The following ROR2 variants were observed in gnomAD, a reference collection of about 807,000 sequenced individuals.
ROR2 encodes the protein tyrosine-protein kinase transmembrane receptor ROR2.
Under a neutral mutation model 74.9 loss-of-function variants are expected in ROR2, and 33 were observed. The observed-to-expected ratio is 0.44, with a 90% CI of 0.33 to 0.59. The LOEUF (loss-of-function observed/expected upper bound fraction) is 0.59. Among genes scored for constraint, ROR2 ranks in the 20% least tolerant of loss-of-function variants. ROR2 has a pLI of 0.02. For synonymous variants in ROR2, 586 were observed against 558.7 expected, an observed-to-expected ratio of 1.05 and a Z score of -0.69; for missense variants, 1,216 against 1,313.8, an observed-to-expected ratio of 0.93 and a Z score of 1.15.
chr9:91,844,387 TTCC>T (rs964135351), intron 1 of ROR2, among the ~76,000 whole-genome samples: 3 of 151,872 alleles, frequency 2.0e-5, no homozygotes, highest in African/African-American at 7.3e-5. Flanking sequence ...CCAGCGCTTG[TTCC>T]TCGCCCAGGG....
At chr9:91,897,403 T>C (rs756849142) in intron 1 of ROR2, among the ~76,000 whole-genome samples, 11 of 152,240 alleles carry the variant, frequency 7.2e-5, no homozygotes, top group Admixed American at 2.6e-4. Context: ...CTCTAAGGCA[T>C]TGCCAAAAGT....
intron 1 of ROR2, among the ~76,000 whole-genome samples, chr9:91,915,305 T>G (rs528868053): frequency 2.0e-5 from 3 of 152,288 alleles, no homozygotes; most frequent in Non-Finnish European, 4.4e-5. Flanking sequence ...CTGGCACCCC[T>G]GGGGAAGAGG....
intron 1 of ROR2, among the ~76,000 whole-genome samples, chr9:91,900,534 G>A (rs79679524): frequency 0.032 from 4,808 of 152,324 alleles, 118 homozygotes; most frequent in South Asian, 0.061. Flanking sequence ...GGAAGGCACC[G>A]CGTGGCATCC....
chr9:91,761,230 T>C (rs565766927), intron 2 of ROR2, among the ~76,000 whole-genome samples: 4 of 152,278 alleles, frequency 2.6e-5, no homozygotes, highest in African/African-American at 9.6e-5. Flanking sequence ...TGGTCCCCAG[T>C]CTTTTTAGCA....
intron 1 of ROR2, among the ~76,000 whole-genome samples, chr9:91,794,010 A>C (rs1342730618): frequency 6.6e-6 from 1 of 152,214 alleles, no homozygotes; most frequent in African/African-American, 2.4e-5. Context: ...GCCTATGCAC[A>C]GTTCCACAGC....
chr9:91,754,234 A>G (rs1405544427), intron 4 of ROR2, among the ~76,000 whole-genome samples: 1 of 150,568 alleles, frequency 6.6e-6, no homozygotes, highest in Non-Finnish European at 1.5e-5. Flanking sequence ...ATATAAATAT[A>G]TGAATGTTTA....
chr9:91,796,341 G>C (rs1446360235), intron 1 of ROR2, among the ~76,000 whole-genome samples: 2 of 151,526 alleles, frequency 1.3e-5, no homozygotes, highest in Admixed American at 6.6e-5. Context: ...GCTGAAGTGG[G>C]AGGACTGCTT....
intron 1 of ROR2, among the ~76,000 whole-genome samples, chr9:91,906,890 T>C (rs1830832517): frequency 6.6e-6 from 1 of 152,200 alleles, no homozygotes; most frequent in Non-Finnish European, 1.5e-5. Flanking sequence ...TTTCTAATTG[T>C]GGTAAACAGT....
chr9:91,733,310 T>C lies in ROR2; in HGVS notation c.749A>G (p.Glu250Gly). 1 of 1,612,774 alleles carries C rather than the reference T, an allele frequency of 6.2e-7. No individual in the cohort carries two copies. Among genetic ancestry groups the C allele is most frequent in the Non-Finnish European group, 8.5e-7 (1 of 1,179,740 alleles). The change falls in exon 6 of 9, where the codon GAG (glutamate) becomes GGG (glycine). Residue 250 changes from glutamate (E) to glycine (G), a missense_variant. Glu to Gly is a moderately conservative substitution (Grantham distance 98, BLOSUM62 -2). Transcript: ENST00000375708. This position sits in a 1 kb window ranked among gnomAD's most constrained non-coding sequence, Gnocchi z 5.7. ...DARSRTPKPR[E>G]LCRDECEVLE... Reference sequence around the variant, plus strand: ...CACCTCGCACTCGTCGCGGCACAGCTCACGCGGCTTGGGTGTCCGGGAGCG... The same window carrying C: ...CACCTCGCACTCGTCGCGGCACAGCCCACGCGGCTTGGGTGTCCGGGAGCG...
intron 1 of ROR2, among the ~76,000 whole-genome samples, chr9:91,852,683 G>T (rs368364727): frequency 4.9e-5 from 7 of 142,846 alleles, no homozygotes; most frequent in East Asian, 4.1e-4. Flanking sequence ...TAAGAAGTCG[G>T]TAAAAAATAG....
intron 1 of ROR2, among the ~76,000 whole-genome samples, chr9:91,848,329 GT>G (rs929102322): frequency 1.2e-4 from 18 of 152,308 alleles, no homozygotes; most frequent in Middle Eastern, 3.4e-3. Flanking sequence ...AACTCTGCTG[GT>G]TTTTCAGAAA....
At position 91,733,553 on chromosome 9, in the gene ROR2, GCCCCGC is replaced by G; in HGVS notation, c.623-123_623-118del. The G allele has an allele frequency of 9.6e-7, 1 of 1,038,478 alleles. No homozygotes were observed. The highest frequency in any genetic ancestry group is 1.6e-5 in the South Asian group (1 of 63,468). 64.3% of individuals were successfully genotyped at this position (1,038,478 alleles called of 1,614,324 possible). A position where few individuals can be genotyped will look rare whatever the true frequency, so the allele number is the denominator to read the frequency against. On this transcript the variant is annotated intron_variant, in intron 5 of 8. Coordinates refer to ENST00000375708, the MANE Select transcript of ROR2 (RefSeq NM_004560.4). This position sits in a 1 kb window ranked among gnomAD's most constrained non-coding sequence, Gnocchi z 5.7. ...TGCCCACTCAGCCCCCTGATGCCCC[GCCCCGC>G]CCCAGACTCCCCAACCCCGAGCCCC...
At chr9:91,801,326 ACGCTTTTT>A (rs1482310476) in intron 1 of ROR2, among the ~76,000 whole-genome samples, 2 of 151,988 alleles carry the variant, frequency 1.3e-5, no homozygotes, top group South Asian at 4.1e-4. Flanking sequence ...TAAAATTTGC[ACGCTTTTT>A]TATTTTATTT....
intron 1 of ROR2, among the ~76,000 whole-genome samples, chr9:91,921,856 CAA>C (rs560682210): frequency 0.044 from 3,851 of 88,282 alleles, 57 homozygotes; most frequent in South Asian, 0.083. Context: ...GACTCCGTCT[CAA>C]AAAAAAAAAA....
intron 1 of ROR2, among the ~76,000 whole-genome samples, chr9:91,879,508 TC>T (rs1172830803): frequency 1.5e-5 from 2 of 137,378 alleles, no homozygotes; most frequent in Non-Finnish European, 3.1e-5. Flanking sequence ...TTTCTTCTAC[TC>T]TTTTTCCCCA....
intron 1 of ROR2, among the ~76,000 whole-genome samples, chr9:91,836,773 TC>T (rs1204576959): frequency 6.6e-6 from 1 of 152,198 alleles, no homozygotes; most frequent in African/African-American, 2.4e-5. Flanking sequence ...CCTTGGTTTT[TC>T]CAGGCTGCCC....
rs116962248 is a variant in ROR2 at position 91,804,425 on chromosome 9, C to T, written c.98-28607G>A. ...CCTTGGGGGACCTTTGCTCGACAGC[C>T]TCTTATTAAACTCCAGCCTCATGGA... On this transcript the variant is annotated intron_variant, in intron 1 of 8. Transcript: ENST00000375708. Among the ~76,000 whole-genome samples the T allele has an allele frequency of 3.2e-3, 482 of 152,326 alleles. 2 individuals carry two copies. Among genetic ancestry groups the T allele is most frequent in the Admixed American group, 5.9e-3 (91 of 15,300 alleles).
intron 6 of ROR2, among the ~76,000 whole-genome samples, chr9:91,732,120 G>A (rs900835348): frequency 1.3e-5 from 2 of 152,124 alleles, no homozygotes; most frequent in Non-Finnish European, 2.9e-5. Context: ...AAGGAGTCCT[G>A]GCCATTCCTG....
intron 1 of ROR2, among the ~76,000 whole-genome samples, chr9:91,839,271 T>TGTGTGTGTAAGTACAGGC (rs1828708531): frequency 7.5e-6 from 1 of 133,082 alleles, no homozygotes; most frequent in African/African-American, 3.5e-5. Flanking sequence ...TGTGTGTGTG[T>TGTGTGTGTAAGTACAGGC]GTGTGTGTGT....
Sources: allele counts gnomAD v4.1 joint callset (sites outside exome capture counted in the v4.1 genomes callset), GRCh38; gene constraint gnomAD v4.1.1; non-coding constraint Gnocchi (gnomAD v3.1); transcripts MANE v1.5; gene names NCBI Gene and HGNC (gene_info 2026-07-23, HGNC 2026-07-21).